Variants in SLCO2A1 observed in about 807,000 individuals in gnomAD.
SLCO2A1 encodes the protein matrin F/G 1.
Under a neutral mutation model 71.7 loss-of-function variants are expected in SLCO2A1, and 60 were observed. That is an observed-to-expected ratio of 0.84 (90% CI 0.68 to 1.04). The LOEUF (loss-of-function observed/expected upper bound fraction) is 1.04, where lower values mean the gene tolerates loss of function less well. SLCO2A1 is among the 50% of genes least tolerant of loss of function. SLCO2A1 has a pLI of 0.00. For missense variants in SLCO2A1, 745 were observed against 813.4 expected (o/e 0.92, Z 1.02); for synonymous variants, 308 against 326.7 (o/e 0.94, Z 0.62).
chr3:133,945,013 C>A (rs1372240500), intron 10 of SLCO2A1, 82 bp downstream of exon 10: 4 of 1,482,272 alleles, frequency 2.7e-6, no homozygotes, highest in Non-Finnish European at 3.6e-6. Flanking sequence ...ATCCTGGAGC[C>A]GAGAAACAGT....
At chr3:133,990,940 T>C (rs1002775527) in intron 1 of SLCO2A1, among the ~76,000 whole-genome samples, 1 of 151,818 alleles carries the variant, frequency 6.6e-6, no homozygotes, top group Non-Finnish European at 1.5e-5. Context: ...TAAAACCCCA[T>C]CTCTACTAAA....
chr3:133,985,491 A>G (rs1214509971), intron 1 of SLCO2A1, among the ~76,000 whole-genome samples: 1 of 152,244 alleles, frequency 6.6e-6, no homozygotes, highest in African/African-American at 2.4e-5. Context: ...AAAGGAAAAG[A>G]AAATGAAGAT....
In SLCO2A1 at chr3:133,954,161, T is replaced by G. The variant is rs1242994833; in HGVS notation, c.626-400A>C. ...GCTCAAAGTGGTGTGTTCTTTTTTT[T>G]TTTTTTTTTTTTTTTTTTTAGATGG... On this transcript the variant is annotated intron_variant, in intron 4 of 13. Transcript: ENST00000310926. 4.8e-5 allele frequency among the ~76,000 whole-genome samples: 6 copies of G among 125,950 alleles called. No homozygotes were observed. In the East Asian group the frequency reaches 1.2e-3, roughly 25 times the overall value. 82.6% of individuals were successfully genotyped at this position (125,950 alleles called of 152,430 possible).
At chr3:133,956,093 A>G (rs1933892128) in intron 3 of SLCO2A1, among the ~76,000 whole-genome samples, 1 of 152,134 alleles carries the variant, frequency 6.6e-6, no homozygotes, top group Admixed American at 6.5e-5. Context: ...GCTCCTTTCC[A>G]TGAGATCCCC....
At chr3:134,006,991 T>G (rs1935230328) in intron 1 of SLCO2A1, among the ~76,000 whole-genome samples, 1 of 152,234 alleles carries the variant, frequency 6.6e-6, no homozygotes, top group Non-Finnish European at 1.5e-5. Context: ...ACTTGTTATA[T>G]TCTGTTGTTT....
intron 3 of SLCO2A1, among the ~76,000 whole-genome samples, chr3:133,967,092 T>C (rs1019607880): frequency 1.3e-5 from 2 of 152,194 alleles, no homozygotes; most frequent in Non-Finnish European, 2.9e-5. Flanking sequence ...TCTGCCAGCC[T>C]TCCTGGAGAA....
intron 3 of SLCO2A1, among the ~76,000 whole-genome samples, chr3:133,960,471 G>A (rs1181524944): frequency 6.6e-6 from 1 of 152,226 alleles, no homozygotes; most frequent in Non-Finnish European, 1.5e-5. Context: ...AATGCTGTGT[G>A]ATTTCACTGA....
intron 1 of SLCO2A1, among the ~76,000 whole-genome samples, chr3:134,012,533 A>G (rs1186466859): frequency 6.6e-6 from 1 of 152,214 alleles, no homozygotes; most frequent in Admixed American, 6.5e-5. Flanking sequence ...CTAGTCTGAA[A>G]GTCAATAATT....
At chr3:134,000,192 C>T (rs554184735) in intron 1 of SLCO2A1, among the ~76,000 whole-genome samples, 32 of 152,178 alleles carry the variant, frequency 2.1e-4, no homozygotes, top group Non-Finnish European at 2.9e-4. Context: ...GGGAGCCGGA[C>T]GAGTGCAGGG....
intron 10 of SLCO2A1, 106 bp downstream of exon 10, chr3:133,944,989 G>A: frequency 7.6e-7 from 1 of 1,317,986 alleles, no homozygotes; most frequent in Non-Finnish European, 1.0e-6. Flanking sequence ...GAGTGTGTGT[G>A]TGGAGCCCTG....
intron 3 of SLCO2A1, among the ~76,000 whole-genome samples, chr3:133,958,038 C>T (rs1170856998): frequency 1.3e-5 from 2 of 152,146 alleles, no homozygotes; most frequent in African/African-American, 4.8e-5. Context: ...GGTCCTGAAG[C>T]ACAGAATTGT....
At chr3:134,003,587 C>G (rs1301770502) in intron 1 of SLCO2A1, among the ~76,000 whole-genome samples, 1 of 152,202 alleles carries the variant, frequency 6.6e-6, no homozygotes, top group Admixed American at 6.5e-5. Context: ...TACCTCTGCT[C>G]CCTGCATCCT....
chr3:133,976,539 A>G (rs888852874), intron 2 of SLCO2A1, among the ~76,000 whole-genome samples: 1 of 152,138 alleles, frequency 6.6e-6, no homozygotes, highest in Non-Finnish European at 1.5e-5. Context: ...CTTGTTCTCA[A>G]ACTTTTCTTC....
At chr3:133,987,136 C>CA (rs1934732583) in intron 1 of SLCO2A1, among the ~76,000 whole-genome samples, 1 of 124,824 alleles carries the variant, frequency 8.0e-6, no homozygotes, top group Admixed American at 7.9e-5. Flanking sequence ...TCAAAGCCCC[C>CA]CCCCCCGCCC....
Position 133,960,314 on chromosome 3 carries a change from T to A in SLCO2A1, c.398-5121A>T, listed in dbSNP as rs534350417. 3.9e-5 allele frequency among the ~76,000 whole-genome samples: 6 copies of A among 152,210 alleles called. No homozygotes were observed. In the South Asian group the frequency reaches 1.2e-3, roughly 32 times the overall value. On this transcript the variant is annotated intron_variant, in intron 3 of 13. Coordinates refer to ENST00000310926, the MANE Select transcript of SLCO2A1 (RefSeq NM_005630.3). ...AAGTTAGAAACAGCCCAAATATTAA[T>A]CAACAGATGAATGGGTAAACAAAAT...
intron 1 of SLCO2A1, among the ~76,000 whole-genome samples, chr3:133,988,908 G>A (rs1934774283): frequency 6.6e-6 from 1 of 152,214 alleles, no homozygotes; most frequent in African/African-American, 2.4e-5. Flanking sequence ...AAACATCAAG[G>A]TCTGGGGGCA....
At chr3:133,937,119 GTTTTCAAGGTCA>G (rs1231002220) in intron 12 of SLCO2A1, among the ~76,000 whole-genome samples, 2 of 152,146 alleles carry the variant, frequency 1.3e-5, no homozygotes, top group African/African-American at 4.8e-5. Context: ...GAGAGTCCTT[GTTTTCAAGGTCA>G]TTTTCAAGGT....
Position 133,945,280 on chromosome 3 carries a change from C to T in SLCO2A1, c.1296-20G>A, listed in dbSNP as rs185512148. The T allele has an allele frequency of 2.9e-5, 46 of 1,591,798 alleles. No individual in the cohort carries two copies. The highest frequency in any genetic ancestry group is 1.7e-4 in the Middle Eastern group (1 of 5,926). On this transcript the variant is annotated intron_variant, in intron 9 of 13. Transcript: ENST00000310926. ...GATGTGCTGCCAGCAAAAGAGGAAACGGGGAATCAAACAAAGCAAGACCAA... is the reference window on the plus strand; with the variant it reads ...GATGTGCTGCCAGCAAAAGAGGAAATGGGGAATCAAACAAAGCAAGACCAA...
intron 1 of SLCO2A1, among the ~76,000 whole-genome samples, chr3:133,987,131 G>GCCCCCCCCCCC (rs71136502): frequency 2.9e-5 from 3 of 105,032 alleles, no homozygotes; most frequent in Admixed American, 9.5e-5. Context: ...AAAATTCAAA[G>GCCCCCCCCCCC]CCCCCCCCCC....
Sources: allele counts gnomAD v4.1 joint callset (sites outside exome capture counted in the v4.1 genomes callset), GRCh38; gene constraint gnomAD v4.1.1; transcripts MANE v1.5; gene names NCBI Gene and HGNC (gene_info 2026-07-23, HGNC 2026-07-21).